Variants in STAU2 observed in about 807,000 individuals in gnomAD.
STAU2 encodes the protein double-stranded RNA-binding protein Staufen homolog 2.
In STAU2, 20 loss-of-function variants were observed where a neutral mutation model predicts 65.9. The ratio of observed to expected loss-of-function variants is 0.30; its 90% CI spans 0.21 to 0.44. The LOEUF (loss-of-function observed/expected upper bound fraction) is 0.44. Ranked by LOEUF, STAU2 falls within the 20% of genes least tolerant of loss-of-function variation. The probability of loss-of-function intolerance (pLI) is 1.00; values close to 1 mark genes in which losing one functional copy is unlikely to be tolerated. For missense variants in STAU2, 558 were observed against 683.9 expected (o/e 0.82, Z 2.05); for synonymous variants, 232 against 233.9 (o/e 0.99, Z 0.07).
chr8:73,732,113 T>C (rs1806112753), intron 3 of STAU2, among the ~76,000 whole-genome samples: 1 of 152,216 alleles, frequency 6.6e-6, no homozygotes, highest in South Asian at 2.1e-4. Flanking sequence ...GAAGCTTGAC[T>C]AAAGCTGAGA....
intron 13 of STAU2, among the ~76,000 whole-genome samples, chr8:73,533,904 T>C (rs963484577): frequency 6.6e-6 from 1 of 152,192 alleles, no homozygotes; most frequent in Non-Finnish European, 1.5e-5. Context: ...CTAAAAGTCC[T>C]TGATGTTGCA....
At chr8:73,466,989 T>C (rs576749456) in intron 13 of STAU2, among the ~76,000 whole-genome samples, 1 of 152,288 alleles carries the variant, frequency 6.6e-6, no homozygotes, top group African/African-American at 2.4e-5. Flanking sequence ...CCTCTCCTTT[T>C]CTCGTTTGTC....
intron 13 of STAU2, among the ~76,000 whole-genome samples, chr8:73,507,730 CA>C (rs1415892581): frequency 6.6e-6 from 1 of 152,154 alleles, no homozygotes; most frequent in African/African-American, 2.4e-5. Flanking sequence ...TATCTTCTTC[CA>C]ATAGAAGGCT....
At chr8:73,525,095 T>A (rs530448321) in intron 13 of STAU2, among the ~76,000 whole-genome samples, 1 of 152,360 alleles carries the variant, frequency 6.6e-6, no homozygotes, top group Non-Finnish European at 1.5e-5. Flanking sequence ...TACAATAGTG[T>A]TTGATGTACA....
At chr8:73,466,237 T>C (rs995069491) in intron 13 of STAU2, among the ~76,000 whole-genome samples, 2 of 152,226 alleles carry the variant, frequency 1.3e-5, no homozygotes, top group African/African-American at 4.8e-5. Context: ...GTTTTCTGGG[T>C]TTTAGACTCA....
intron 6 of STAU2, among the ~76,000 whole-genome samples, chr8:73,667,062 T>C (rs1443104945): frequency 6.6e-6 from 1 of 152,178 alleles, no homozygotes; most frequent in Non-Finnish European, 1.5e-5. Context: ...ACTCTTGTGG[T>C]GAACAGTATT....
intron 6 of STAU2, among the ~76,000 whole-genome samples, chr8:73,636,708 T>C (rs1448671478): frequency 1.3e-5 from 2 of 151,384 alleles, no homozygotes; most frequent in East Asian, 3.9e-4. Context: ...ACTAAAAATA[T>C]AAGAATTAGC....
intron 10 of STAU2, among the ~76,000 whole-genome samples, chr8:73,600,278 A>G (rs1308999325): frequency 6.6e-6 from 1 of 152,268 alleles, no homozygotes; most frequent in Non-Finnish European, 1.5e-5. Context: ...TATTCATTAC[A>G]GAATTTCTGT....
chr8:73,512,348 G>A lies in STAU2; in HGVS notation c.1530+39664C>T, dbSNP rs118138249. Among the ~76,000 whole-genome samples the A allele has an allele frequency of 6.3e-4, 96 of 152,242 alleles. 1 individual carries two copies. The East Asian group carries it at 0.016, about 26-fold the overall frequency. On this transcript the variant is annotated intron_variant, in intron 13 of 14. Transcript: ENST00000524300. ...TATAGGTCAATTTAAGAGAAAGTGCGAACTTAACACTAAAGGTTCATCTAA... is the reference window on the plus strand; with the variant it reads ...TATAGGTCAATTTAAGAGAAAGTGCAAACTTAACACTAAAGGTTCATCTAA...
chr8:73,659,150 G>T (rs920597264), intron 6 of STAU2, among the ~76,000 whole-genome samples: 3 of 152,042 alleles, frequency 2.0e-5, no homozygotes, highest in Non-Finnish European at 2.9e-5. Flanking sequence ...AAAGTTTTTC[G>T]GAATTTTTAG....
intron 4 of STAU2, among the ~76,000 whole-genome samples, chr8:73,696,119 A>T (rs1819681551): frequency 1.3e-5 from 2 of 152,162 alleles, no homozygotes; most frequent in South Asian, 4.2e-4. Context: ...AAGAACAACA[A>T]TCTCTGCCTG....
intron 13 of STAU2, among the ~76,000 whole-genome samples, chr8:73,534,093 A>G (rs1386488029): frequency 6.6e-6 from 1 of 152,362 alleles, no homozygotes; most frequent in East Asian, 1.9e-4. Flanking sequence ...CACTGTGTTA[A>G]GAAAACATGT....
At chr8:73,573,778 T>C (rs1809296525) in intron 12 of STAU2, among the ~76,000 whole-genome samples, 1 of 152,178 alleles carries the variant, frequency 6.6e-6, no homozygotes, top group Non-Finnish European at 1.5e-5. Context: ...CACTGAAATG[T>C]TAGACCTAAA....
At chr8:73,546,914 T>C (rs1393596061) in intron 13 of STAU2, among the ~76,000 whole-genome samples, 1 of 152,336 alleles carries the variant, frequency 6.6e-6, no homozygotes, top group Non-Finnish European at 1.5e-5. Flanking sequence ...ATGTAATGCA[T>C]CTTTAGATGA....
chr8:73,640,774 TTACTAGAAA>T (rs1316415504), intron 6 of STAU2, among the ~76,000 whole-genome samples: 4 of 152,292 alleles, frequency 2.6e-5, no homozygotes, highest in Admixed American at 2.6e-4. Context: ...TGAAAAGTAG[TTACTAGAAA>T]TACTTTCCAA....
chr8:73,677,897 C>G (rs1818130017), intron 5 of STAU2, among the ~76,000 whole-genome samples: 1 of 152,148 alleles, frequency 6.6e-6, no homozygotes, highest in African/African-American at 2.4e-5. Flanking sequence ...TCTCCTGTTT[C>G]CTTCCTCTGA....
chr8:73,674,215 A>AT (rs1373793698), intron 5 of STAU2, among the ~76,000 whole-genome samples: 1 of 151,666 alleles, frequency 6.6e-6, no homozygotes, highest in Non-Finnish European at 1.5e-5. Flanking sequence ...GAAAACATGA[A>AT]TTTTTTGCAT....
intron 10 of STAU2, among the ~76,000 whole-genome samples, 184 bp downstream of exon 10, chr8:73,603,542 G>GT (rs1282427275): frequency 6.6e-6 from 1 of 152,192 alleles, no homozygotes; most frequent in Non-Finnish European, 1.5e-5. Flanking sequence ...GTTGTCTATT[G>GT]TAACATGTCC....
intron 11 of STAU2, among the ~76,000 whole-genome samples, chr8:73,593,802 A>G (rs1195198513): frequency 5.3e-5 from 8 of 152,000 alleles, no homozygotes; most frequent in African/African-American, 1.9e-4. Context: ...AGGCTGTCCC[A>G]TCAGATTTTA....
Sources: allele counts gnomAD v4.1 joint callset (sites outside exome capture counted in the v4.1 genomes callset), GRCh38; gene constraint gnomAD v4.1.1; transcripts MANE v1.5; gene names NCBI Gene and HGNC (gene_info 2026-07-23, HGNC 2026-07-21).